DLGAP1: variants seen among roughly 807,000 people sequenced by gnomAD.
The protein encoded by DLGAP1 is DLG associated protein 1, also known as disks large-associated protein 1.
DLGAP1 carries 11 observed loss-of-function variants against 90.8 expected under a neutral mutation model. The observed-to-expected ratio is 0.12, with a 90% confidence interval of 0.08 to 0.20. The LOEUF (loss-of-function observed/expected upper bound fraction) is 0.20, where lower values mean the gene tolerates loss of function less well. Among genes scored for constraint, DLGAP1 ranks in the 10% least tolerant of loss-of-function variants. The pLI is 1.00. For missense variants in DLGAP1, 1,050 were observed against 1,333.8 expected (o/e 0.79, Z 3.31); for synonymous variants, 558 against 540.7 (o/e 1.03, Z -0.44).
At chr18:3,817,457 T>C (rs2067162752) in intron 4 of DLGAP1, among the ~76,000 whole-genome samples, 2 of 152,162 alleles carry the variant, frequency 1.3e-5, no homozygotes, top group Non-Finnish European at 2.9e-5. Context: ...TGAATAGTAA[T>C]ACATTATTTA....
chr18:4,002,480 T>C (rs1568344838), intron 3 of DLGAP1, among the ~76,000 whole-genome samples: 2 of 50,486 alleles, frequency 4.0e-5, no homozygotes. Flanking sequence ...GATAAAGACC[T>C]TTATGATGAC....
chr18:3,935,813 A>C (rs1294348080), intron 3 of DLGAP1, among the ~76,000 whole-genome samples: 1 of 152,206 alleles, frequency 6.6e-6, no homozygotes, highest in Non-Finnish European at 1.5e-5. Flanking sequence ...AGTGTTGAGA[A>C]TACAGGTTTG....
chr18:4,258,447 G>A lies in DLGAP1; in HGVS notation c.-266-107160C>T, dbSNP rs561968843. 4.8e-4 allele frequency among the ~76,000 whole-genome samples: 73 copies of A among 151,896 alleles called. 1 individual carries two copies. The highest frequency in any genetic ancestry group is 1.7e-3 in the South Asian group (8 of 4,802). On this transcript the variant is annotated intron_variant, in intron 1 of 12. Transcript: ENST00000315677. ...ACAAAATGTTTTGATCGGGAGTCAC[G>A]TTTTGTTTTATATCCCATTTCCCTT...
intron 2 of DLGAP1, among the ~76,000 whole-genome samples, chr18:4,110,308 T>A (rs1434422336): frequency 6.6e-6 from 1 of 152,150 alleles, no homozygotes; most frequent in African/African-American, 2.4e-5. Flanking sequence ...GTAAAATACA[T>A]TGTTATAGTC....
intron 2 of DLGAP1, among the ~76,000 whole-genome samples, chr18:4,131,715 T>C (rs1198446542): frequency 6.6e-6 from 1 of 152,116 alleles, no homozygotes; most frequent in African/African-American, 2.4e-5. Flanking sequence ...CAGGAAAGGG[T>C]GACAAGAAAC....
In DLGAP1 at chr18:3,497,110, T is replaced by G. The variant is rs2049719886; in HGVS notation, c.*2075A>C. 6.6e-6 allele frequency: 1 copy of G among 152,226 alleles called. No homozygotes were observed. The highest frequency in any genetic ancestry group is 1.5e-5 in the Non-Finnish European group (1 of 68,046). 9.4% of individuals were successfully genotyped at this position (152,226 alleles called of 1,614,324 possible). A position where few individuals can be genotyped will look rare whatever the true frequency, so the allele number is the denominator to read the frequency against. On this transcript the variant is annotated 3_prime_UTR_variant, in exon 13 of 13. Transcript: ENST00000315677. The stretch of plus-strand genomic sequence containing the variant: ...GCATGGGTCTTGGGATGAACGCTGC[T>G]TCTTTCATATTAATCTGTGAGTTCC...
rs188584758 is a variant in DLGAP1 at position 4,025,633 on chromosome 18, A to T, written c.-158-20432T>A. ...TTTGGACAATAACATTGTCATTTTT[A>T]ACAGAACAAACATATTGTAAGTTTC... is the stretch of plus-strand genomic sequence containing the variant. On this transcript the variant is annotated intron_variant, in intron 2 of 12. Transcript: ENST00000315677. Among the ~76,000 whole-genome samples the T allele has an allele frequency of 7.2e-3, 1,098 of 152,234 alleles. 4 individuals carry two copies. The highest frequency in any genetic ancestry group is 0.024 in the Middle Eastern group (7 of 294).
At chr18:4,151,126 GTTAT>G (rs1016192361) in intron 2 of DLGAP1, 50 bp downstream of exon 2, 2 of 152,166 alleles carry the variant, frequency 1.3e-5, no homozygotes, top group Non-Finnish European at 2.9e-5. Flanking sequence ...AGAGGAAGCT[GTTAT>G]TTAAGAAACT....
chr18:3,662,181 C>T (rs765858893), intron 7 of DLGAP1, among the ~76,000 whole-genome samples: 1 of 151,986 alleles, frequency 6.6e-6, no homozygotes, highest in Non-Finnish European at 1.5e-5. Context: ...GTTCAGTTTT[C>T]AAACAAAATT....
Position 4,032,646 on chromosome 18 carries a change from A to T in DLGAP1, c.-158-27445T>A, listed in dbSNP as rs922633162. 3.3e-5 allele frequency among the ~76,000 whole-genome samples: 5 copies of T among 152,292 alleles called. No individual in the cohort carries two copies. The East Asian group carries it at 9.6e-4, about 29-fold the overall frequency. ...AGGGCCGGCTAAAATCCAGGGGTGG[A>T]TGATCATGTCACATCGTTTGGACAC... On this transcript the variant is annotated intron_variant, in intron 2 of 12. Transcript: ENST00000315677.
intron 2 of DLGAP1, among the ~76,000 whole-genome samples, chr18:4,107,012 T>C (rs2075880118): frequency 6.6e-6 from 1 of 152,208 alleles, no homozygotes; most frequent in African/African-American, 2.4e-5. Flanking sequence ...TCGTTTAAAA[T>C]AAAATGCACT....
At chr18:4,001,606 T>C (rs2074187474) in intron 3 of DLGAP1, among the ~76,000 whole-genome samples, 1 of 152,216 alleles carries the variant, frequency 6.6e-6, no homozygotes, top group African/African-American at 2.4e-5. Flanking sequence ...AGTATGTATC[T>C]GCTATCTGTT....
chr18:4,255,083 A>T (rs1164166908), intron 1 of DLGAP1, among the ~76,000 whole-genome samples: 1 of 152,198 alleles, frequency 6.6e-6, no homozygotes, highest in African/African-American at 2.4e-5. Flanking sequence ...CACAGCAGGA[A>T]ATAAGGCAGG....
intron 7 of DLGAP1, among the ~76,000 whole-genome samples, chr18:3,600,747 GATATATAT>G (rs369926784): frequency 0.014 from 318 of 22,346 alleles, 40 homozygotes; most frequent in East Asian, 0.019. Context: ...TAGATATATA[GATATATAT>G]AGATATATAG....
intron 2 of DLGAP1, among the ~76,000 whole-genome samples, chr18:4,121,802 T>C (rs1448126119): frequency 6.6e-6 from 1 of 152,162 alleles, no homozygotes; most frequent in Non-Finnish European, 1.5e-5. Context: ...CAAGTACCAT[T>C]GAATAATTTT....
chr18:3,547,834 T>A (rs1832131211), intron 9 of DLGAP1, among the ~76,000 whole-genome samples: 2 of 152,188 alleles, frequency 1.3e-5, no homozygotes, highest in South Asian at 4.2e-4. Context: ...GAAAGATTTT[T>A]AAAAACCCAA....
intron 1 of DLGAP1, among the ~76,000 whole-genome samples, chr18:4,412,632 C>G (rs147133232): frequency 1.3e-5 from 2 of 152,236 alleles, no homozygotes; most frequent in Admixed American, 1.3e-4. Context: ...TGAGAACAAC[C>G]ACCTGTTATA....
intron 1 of DLGAP1, among the ~76,000 whole-genome samples, chr18:4,191,158 A>C (rs1483061534): frequency 6.6e-6 from 1 of 152,112 alleles, no homozygotes; most frequent in South Asian, 2.1e-4. Flanking sequence ...GCACATCAAG[A>C]TATGTTTGCC....
intron 7 of DLGAP1, among the ~76,000 whole-genome samples, chr18:3,586,603 C>T (rs1198918078): frequency 1.3e-5 from 2 of 152,054 alleles, no homozygotes; most frequent in African/African-American, 4.8e-5. Flanking sequence ...GCACAACGGG[C>T]GCATGCCACC....
Sources: gnomAD v4.1 joint callset for allele counts (sites outside exome capture counted in the v4.1 genomes callset) on GRCh38, gnomAD v4.1.1 for gene constraint, MANE v1.5 for transcripts, NCBI Gene and HGNC (gene_info 2026-07-23, HGNC 2026-07-21) for gene names.